Variants in ITSN1 observed in about 807,000 individuals in gnomAD.
The protein encoded by ITSN1 is intersectin 1.
In ITSN1, 58 loss-of-function variants were observed where a neutral mutation model predicts 239.8. The ratio of observed to expected loss-of-function variants is 0.24; its 90% confidence interval spans 0.20 to 0.30. ITSN1 has a LOEUF of 0.30. Among genes scored for constraint, ITSN1 ranks in the 10% least tolerant of loss-of-function variants. ITSN1 has a pLI of 1.00. For missense variants in ITSN1, 1,558 were observed against 2,103.3 expected (o/e 0.74, Z 5.07); for synonymous variants, 780 against 770.8 (o/e 1.01, Z -0.20).
In ITSN1 at chr21:33,721,162, T is replaced by A. The variant is rs374075377; in HGVS notation, c.29-16T>A. 8.8e-6 allele frequency: 14 copies of A among 1,589,674 alleles called. No individual in the cohort carries two copies. The highest frequency in any genetic ancestry group is 2.7e-5 in the African/African-American group (2 of 74,544). On this transcript the variant is annotated splice_polypyrimidine_tract_variant and intron_variant, in intron 2 of 39. Coordinates refer to ENST00000381318, the MANE Select transcript of ITSN1 (RefSeq NM_003024.3). Reference sequence around the variant, plus strand: ...TTCTCACTGAATAATTTGTTTGTCTTTTCTTTGGATTTTAGGCAGCCTGGA... The same window carrying A: ...TTCTCACTGAATAATTTGTTTGTCTATTCTTTGGATTTTAGGCAGCCTGGA...
chr21:33,764,907 G>A (rs1461017472), intron 9 of ITSN1, among the ~76,000 whole-genome samples: 4 of 152,208 alleles, frequency 2.6e-5, no homozygotes, highest in Admixed American at 1.3e-4. Flanking sequence ...GATGGAGATT[G>A]AATCCTGAGA....
chr21:33,829,574 C>T (rs1382390804), intron 26 of ITSN1, 50 bp from the exon 27 acceptor site: 1 of 1,600,446 alleles, frequency 6.2e-7, no homozygotes, highest in Non-Finnish European at 8.5e-7. Flanking sequence ...TTGGCCTTTT[C>T]TCCTGCTGAC....
At chr21:33,661,945 G>C (rs2834243) in intron 1 of ITSN1, among the ~76,000 whole-genome samples, 62 of 151,604 alleles carry the variant, frequency 4.1e-4, no homozygotes, top group African/African-American at 1.3e-3. Context: ...ACTAATACAC[G>C]TAAGAATTTT....
chr21:33,711,873 TAC>T (rs2092428732), intron 1 of ITSN1, among the ~76,000 whole-genome samples: 1 of 152,238 alleles, frequency 6.6e-6, no homozygotes, highest in Non-Finnish European at 1.5e-5. Context: ...GAAACCCTAC[TAC>T]ACAGTGTTAC....
intron 29 of ITSN1, chr21:33,837,786 T>A (rs2074675486): frequency 1.0e-6 from 1 of 985,816 alleles, no homozygotes. Flanking sequence ...TCTGTGTTTT[T>A]GTTCGGTCTC....
intron 4 of ITSN1, among the ~76,000 whole-genome samples, chr21:33,726,890 G>C (rs1039072275): frequency 1.3e-5 from 2 of 152,202 alleles, no homozygotes; most frequent in South Asian, 4.1e-4. Context: ...TACTTACTTT[G>C]TTCTGGACTT....
intron 29 of ITSN1, among the ~76,000 whole-genome samples, chr21:33,848,275 T>C (rs1445658802): frequency 6.6e-6 from 1 of 152,158 alleles, no homozygotes; most frequent in African/African-American, 2.4e-5. Context: ...TGATGGGTGC[T>C]CTTAATAAGA....
chr21:33,755,212 G>T (rs1569105596), intron 7 of ITSN1, 85 bp from the exon 8 acceptor site: 2 of 602,948 alleles, frequency 3.3e-6, no homozygotes, highest in Non-Finnish European at 5.6e-6. Flanking sequence ...ATCTAGAGAA[G>T]TTCTTAGTTT....
chr21:33,715,076 G>A (rs2065059066), intron 1 of ITSN1, among the ~76,000 whole-genome samples: 1 of 151,928 alleles, frequency 6.6e-6, no homozygotes, highest in Admixed American at 6.6e-5. Flanking sequence ...ACATAAATAT[G>A]GTAAATAATC....
At chr21:33,815,930 G>T (rs1260975685) in intron 22 of ITSN1, among the ~76,000 whole-genome samples, 2 of 152,136 alleles carry the variant, frequency 1.3e-5, no homozygotes, top group Non-Finnish European at 2.9e-5. Context: ...GCTCATGCCT[G>T]TTATCGCAGC....
intron 1 of ITSN1, among the ~76,000 whole-genome samples, chr21:33,676,469 C>G (rs1175571927): frequency 6.6e-6 from 1 of 152,168 alleles, no homozygotes; most frequent in African/African-American, 2.4e-5. Context: ...CTCAAGCAAA[C>G]CTCCCACCTC....
At chr21:33,681,680 G>A (rs1346975009) in intron 1 of ITSN1, among the ~76,000 whole-genome samples, 1 of 142,780 alleles carries the variant, frequency 7.0e-6, no homozygotes, top group Non-Finnish European at 1.5e-5. Flanking sequence ...TTTTGTTTTC[G>A]TGTTTTTTGA....
At chr21:33,844,000 G>A (rs1445827906) in intron 29 of ITSN1, among the ~76,000 whole-genome samples, 6 of 152,332 alleles carry the variant, frequency 3.9e-5, no homozygotes, top group East Asian at 3.9e-4. Context: ...CAGCAGGTAG[G>A]TTGTGTGCAT....
At chr21:33,803,196 G>A (rs1202897824) in intron 20 of ITSN1, among the ~76,000 whole-genome samples, 1 of 152,260 alleles carries the variant, frequency 6.6e-6, no homozygotes, top group Non-Finnish European at 1.5e-5. Flanking sequence ...GTATAGGACA[G>A]TGGATATAAT....
At position 33,897,413 on chromosome 21, in the gene ITSN1, T is replaced by C. The variant is rs1487132461; in HGVS notation, c.*9113T>C. The C allele has an allele frequency of 2.0e-5, 3 of 152,218 alleles. No individual in the cohort carries two copies. The highest frequency in any genetic ancestry group is 4.4e-5 in the Non-Finnish European group (3 of 68,040). The allele number at this position is 152,218 out of a possible 1,614,324, so 9.4% of individuals were successfully genotyped here. A position where few individuals can be genotyped will look rare whatever the true frequency, so the allele number is the denominator to read the frequency against. ...TATAGGTGGTGAACTTATGTGTAAA[T>C]ACATGTGTACAGATGAGAAACTGCA... On this transcript the variant is annotated 3_prime_UTR_variant, in exon 40 of 40. Coordinates refer to ENST00000381318, the MANE Select transcript of ITSN1 (RefSeq NM_003024.3).
chr21:33,791,351 T>C (rs1349460894), intron 16 of ITSN1, among the ~76,000 whole-genome samples: 1 of 152,248 alleles, frequency 6.6e-6, no homozygotes, highest in African/African-American at 2.4e-5. Flanking sequence ...TCGTCTGTTA[T>C]TTTATGGTTC....
intron 1 of ITSN1, among the ~76,000 whole-genome samples, chr21:33,674,662 T>C (rs749192634): frequency 1.3e-5 from 2 of 152,186 alleles, no homozygotes; most frequent in African/African-American, 2.4e-5. Flanking sequence ...TAGAAAATAC[T>C]GTTTGATAGT....
chr21:33,854,863 G>A (rs1012683655), intron 29 of ITSN1, among the ~76,000 whole-genome samples: 1 of 152,128 alleles, frequency 6.6e-6, no homozygotes, highest in African/African-American at 2.4e-5. Context: ...GAGTGAGGTC[G>A]AGGGTGTTGA....
intron 1 of ITSN1, among the ~76,000 whole-genome samples, chr21:33,677,683 C>T (rs1568915403): frequency 6.6e-6 from 1 of 152,130 alleles, no homozygotes; most frequent in Non-Finnish European, 1.5e-5. Flanking sequence ...ATGCGCACAC[C>T]CCAGTCCTTT....
Sources: gnomAD v4.1 joint callset for allele counts (sites outside exome capture counted in the v4.1 genomes callset) on GRCh38, gnomAD v4.1.1 for gene constraint, MANE v1.5 for transcripts, NCBI Gene and HGNC (gene_info 2026-07-23, HGNC 2026-07-21) for gene names.